AIM2: variants seen among roughly 807,000 people sequenced by gnomAD.
AIM2 encodes the protein interferon-inducible protein AIM2.
A neutral mutation model predicts 27.7 loss-of-function variants in AIM2; 30 were observed. That is an observed-to-expected ratio of 1.08 (90% CI 0.81 to 1.47). The LOEUF (loss-of-function observed/expected upper bound fraction) is 1.47. Among genes scored for constraint, AIM2 ranks in the 40% most tolerant of loss-of-function variants. The probability of loss-of-function intolerance (pLI) is 0.00; values close to 1 mark genes in which losing one functional copy is unlikely to be tolerated. For missense variants in AIM2, 358 were observed against 411.3 expected (o/e 0.87, Z 1.12); for synonymous variants, 141 against 145.3 (o/e 0.97, Z 0.21).
chr1:159,096,487 T>C (rs1465211683), intron 1 of AIM2, among the ~76,000 whole-genome samples: 2 of 152,120 alleles, frequency 1.3e-5, no homozygotes, highest in African/African-American at 2.4e-5. Context: ...AATAAGTAAA[T>C]TGCTATTTAT....
upstream of AIM2, among the ~76,000 whole-genome samples, chr1:159,080,268 G>T (rs553871386): frequency 2.0e-5 from 3 of 152,156 alleles, no homozygotes; most frequent in East Asian, 3.9e-4. Flanking sequence ...ACCACTAATT[G>T]GTTTTTAATA....
chr1:159,057,262 T>C, the AIM2 span, among the ~76,000 whole-genome samples: 1 of 140,402 alleles, frequency 7.1e-6, no homozygotes, highest in East Asian at 2.2e-4. Context: ...TAGACCTAAT[T>C]TATGAATTGA....
chr1:159,128,260 T>TACACACACACAC (rs35254795), intron 1 of AIM2, among the ~76,000 whole-genome samples: 12 of 147,854 alleles, frequency 8.1e-5, no homozygotes, highest in East Asian at 4.0e-4. Flanking sequence ...TGCCAAGGCT[T>TACACACACACAC]ACACACACAC....
intron 1 of AIM2, among the ~76,000 whole-genome samples, chr1:159,083,539 A>G (rs1045722772): frequency 2.6e-5 from 4 of 152,184 alleles, no homozygotes; most frequent in Non-Finnish European, 5.9e-5. Context: ...TAAAACATAA[A>G]TAGCTCTACT....
intron 1 of AIM2, among the ~76,000 whole-genome samples, chr1:159,116,910 G>T (rs943577339): frequency 6.6e-6 from 1 of 151,878 alleles, no homozygotes. Context: ...AATGCTACAG[G>T]GAGAAAATTC....
At chr1:159,074,511 T>C (rs1656511136) in intron 1 of AIM2, among the ~76,000 whole-genome samples, 1 of 152,174 alleles carries the variant, frequency 6.6e-6, no homozygotes, top group Non-Finnish European at 1.5e-5. Flanking sequence ...ATTTCTGGAT[T>C]CTTTATTCTG....
chr1:159,056,551 G>A, the AIM2 span, among the ~76,000 whole-genome samples: 13 of 151,784 alleles, frequency 8.6e-5, no homozygotes, highest in South Asian at 4.2e-4. Context: ...GCCATTGTCC[G>A]CCTCTCCAGT....
intron 1 of AIM2, among the ~76,000 whole-genome samples, chr1:159,103,501 A>G (rs1207083147): frequency 6.6e-6 from 1 of 152,182 alleles, no homozygotes; most frequent in African/African-American, 2.4e-5. Context: ...ATCTGGAGAG[A>G]CAGCCATCTC....
intron 1 of AIM2, among the ~76,000 whole-genome samples, chr1:159,085,928 A>C (rs1156867767): frequency 6.6e-6 from 1 of 152,256 alleles, no homozygotes; most frequent in Admixed American, 6.5e-5. Context: ...CACACACACT[A>C]TGTGAGGTGG....
intron 1 of AIM2, chr1:159,140,335 C>A (rs946431486): frequency 3.3e-5 from 5 of 152,206 alleles, no homozygotes; most frequent in African/African-American, 9.6e-5. Flanking sequence ...AAGAGAATTT[C>A]AAAAGTTTCC....
chr1:159,070,779 A>C (rs1656321816), intron 2 of AIM2, among the ~76,000 whole-genome samples: 1 of 152,224 alleles, frequency 6.6e-6, no homozygotes, highest in African/African-American at 2.4e-5. Flanking sequence ...GAAGAAGTTA[A>C]ACTAACCTTC....
intron 1 of AIM2, among the ~76,000 whole-genome samples, chr1:159,102,638 G>A (rs1378757513): frequency 6.6e-6 from 1 of 152,250 alleles, no homozygotes; most frequent in Non-Finnish European, 1.5e-5. Flanking sequence ...TTGCATCAGT[G>A]TGCCCTGGAT....
downstream of AIM2, among the ~76,000 whole-genome samples, chr1:159,060,990 C>T (rs1655815406): frequency 5.9e-5 from 9 of 152,310 alleles, no homozygotes; most frequent in South Asian, 1.9e-3. Context: ...TGTGACTTTT[C>T]ATTCCCACCA....
intron 1 of AIM2, among the ~76,000 whole-genome samples, chr1:159,129,993 TTC>T (rs2102048787): frequency 1.3e-5 from 2 of 152,354 alleles, no homozygotes; most frequent in African/African-American, 4.8e-5. Context: ...TAATGTCCAC[TTC>T]TGTCACTCCA....
At chr1:159,068,821 T>C in intron 2 of AIM2, 120 bp from the exon 3 acceptor site, 2 of 1,036,004 alleles carry the variant, frequency 1.9e-6, no homozygotes, top group Non-Finnish European at 2.7e-6. Context: ...GAACAGCTAA[T>C]TTTTCTTAAA....
intron 1 of AIM2, among the ~76,000 whole-genome samples, chr1:159,117,229 G>A (rs191983289): frequency 6.6e-6 from 1 of 152,130 alleles, no homozygotes; most frequent in Non-Finnish European, 1.5e-5. Context: ...GCGCACGAGA[G>A]AGAAAGACAC....
chr1:159,064,569 G>A (rs1234601467), intron 4 of AIM2, among the ~76,000 whole-genome samples: 2 of 152,188 alleles, frequency 1.3e-5, no homozygotes, highest in East Asian at 1.9e-4. Flanking sequence ...GGGTTCAAGC[G>A]ATTCTCTTGC....
At chr1:159,086,145 C>G (rs531166732) in intron 1 of AIM2, among the ~76,000 whole-genome samples, 3 of 152,294 alleles carry the variant, frequency 2.0e-5, no homozygotes, top group South Asian at 4.1e-4. Flanking sequence ...TTTGCTTCCA[C>G]CAGATTTTAC....
intron 3 of AIM2, among the ~76,000 whole-genome samples, chr1:159,067,812 A>C (rs1438241411): frequency 2.0e-5 from 3 of 152,000 alleles, no homozygotes; most frequent in African/African-American, 7.2e-5. Context: ...TACCTGCTTC[A>C]TAGGAAATGA....
Sources: allele counts gnomAD v4.1 joint callset (sites outside exome capture counted in the v4.1 genomes callset), GRCh38; gene constraint gnomAD v4.1.1; transcripts MANE v1.5; gene names NCBI Gene and HGNC (gene_info 2026-07-23, HGNC 2026-07-21).